The following TRIM55 variants were observed in gnomAD, a reference collection of about 807,000 sequenced individuals.
TRIM55 encodes tripartite motif-containing protein 55.
Under a neutral mutation model 60.9 loss-of-function variants are expected in TRIM55, and 50 were observed. The ratio of observed to expected loss-of-function variants is 0.82; its 90% CI spans 0.65 to 1.04. The LOEUF (loss-of-function observed/expected upper bound fraction) is 1.04. Among genes scored for constraint, TRIM55 ranks in the 50% least tolerant of loss-of-function variants. The pLI, the probability that TRIM55 is intolerant of heterozygous loss-of-function variation, is 0.00. For synonymous variants in TRIM55, 237 were observed against 238.1 expected (o/e 1.00, Z 0.04); for missense variants, 681 against 666.9 (o/e 1.02, Z -0.23).
intron 7 of TRIM55, among the ~76,000 whole-genome samples, chr8:66,150,992 G>A (rs1048591400): frequency 6.6e-6 from 1 of 152,128 alleles, no homozygotes. Flanking sequence ...GTCAGGTTGG[G>A]TATTTGACTC....
chr8:66,127,793 C>A (rs896473983), intron 1 of TRIM55, among the ~76,000 whole-genome samples: 1 of 152,162 alleles, frequency 6.6e-6, no homozygotes, highest in Admixed American at 6.5e-5. Context: ...GGAGATCGTG[C>A]CATTGCCCTC....
intron 7 of TRIM55, among the ~76,000 whole-genome samples, chr8:66,151,943 C>T (rs1586218846): frequency 6.6e-6 from 1 of 152,100 alleles, no homozygotes; most frequent in African/African-American, 2.4e-5. Context: ...CACTGAACAA[C>T]AGAGGTAGAA....
chr8:66,129,807 A>G (rs1809036859), intron 2 of TRIM55, among the ~76,000 whole-genome samples: 1 of 152,256 alleles, frequency 6.6e-6, no homozygotes, highest in African/African-American at 2.4e-5. Flanking sequence ...CATGGCCAAA[A>G]CAGCAATTAC....
At chr8:66,120,309 G>C in the TRIM55 span, among the ~76,000 whole-genome samples, 3 of 152,182 alleles carry the variant, frequency 2.0e-5, no homozygotes, top group Non-Finnish European at 4.4e-5. Context: ...CCAAGTCCCT[G>C]AGTGGGAGCC....
chr8:66,150,009 G>T, intron 5 of TRIM55, 131 bp downstream of exon 5: 2 of 898,662 alleles, frequency 2.2e-6, no homozygotes, highest in East Asian at 5.3e-5. Context: ...AACCCCATGT[G>T]CTTATATATT....
the TRIM55 span, among the ~76,000 whole-genome samples, chr8:66,114,161 G>C: frequency 2.7e-5 from 4 of 147,756 alleles, no homozygotes; most frequent in Admixed American, 1.4e-4. Context: ...TTCTCTAAAG[G>C]AACAGATAAT....
intron 4 of TRIM55, among the ~76,000 whole-genome samples, chr8:66,148,436 C>G (rs1248223299): frequency 6.6e-6 from 1 of 152,106 alleles, no homozygotes; most frequent in Non-Finnish European, 1.5e-5. Flanking sequence ...TCAATGGTAA[C>G]TATTATGAGA....
chr8:66,145,299 T>G (rs1810039510), intron 4 of TRIM55, among the ~76,000 whole-genome samples: 1 of 152,210 alleles, frequency 6.6e-6, no homozygotes, highest in African/African-American at 2.4e-5. Flanking sequence ...AGTCTGTAAG[T>G]TCCAATTTCG....
upstream of TRIM55, among the ~76,000 whole-genome samples, chr8:66,123,572 GAGAA>G (rs1808711565): frequency 1.3e-5 from 2 of 152,216 alleles, no homozygotes; most frequent in East Asian, 1.9e-4. Flanking sequence ...AAAAAAGAGA[GAGAA>G]AGGAAGATAG....
intron 4 of TRIM55, among the ~76,000 whole-genome samples, chr8:66,144,249 A>C (rs1371323982): frequency 2.6e-5 from 4 of 152,228 alleles, no homozygotes; most frequent in Non-Finnish European, 4.4e-5. Flanking sequence ...ATTGGTTAGA[A>C]ACAAATATCC....
chr8:66,123,937 A>G (rs1477383826), upstream of TRIM55, among the ~76,000 whole-genome samples: 1 of 151,970 alleles, frequency 6.6e-6, no homozygotes, highest in Non-Finnish European at 1.5e-5. Context: ...CCACTCACTT[A>G]TAGAGGGCAG....
intron 2 of TRIM55, among the ~76,000 whole-genome samples, chr8:66,132,350 G>T (rs1253928675): frequency 6.6e-6 from 1 of 152,240 alleles, no homozygotes; most frequent in Non-Finnish European, 1.5e-5. Context: ...CAACTTGGGA[G>T]ACTGAGGCAA....
the TRIM55 span, among the ~76,000 whole-genome samples, chr8:66,121,603 C>T: frequency 6.6e-6 from 1 of 152,232 alleles, no homozygotes; most frequent in African/African-American, 2.4e-5. Context: ...GAGTCTCAGC[C>T]AATCCCAGGT....
intron 9 of TRIM55, among the ~76,000 whole-genome samples, chr8:66,154,668 C>T (rs1023667898): frequency 2.2e-4 from 34 of 152,246 alleles, no homozygotes; most frequent in African/African-American, 7.2e-4. Context: ...GTCCTCCTTA[C>T]CAACGGCCAC....
chr8:66,174,448 A>T, intron 9 of TRIM55, 23 bp from the exon 10 acceptor site: 1 of 1,606,044 alleles, frequency 6.2e-7, no homozygotes, highest in South Asian at 1.1e-5. Flanking sequence ...TTTTTCTCTG[A>T]TTCCCATTTT....
At chr8:66,114,234 G>C in the TRIM55 span, among the ~76,000 whole-genome samples, 1 of 152,154 alleles carries the variant, frequency 6.6e-6, no homozygotes, top group Non-Finnish European at 1.5e-5. Flanking sequence ...CATGCGAGAG[G>C]TAGCGGGATC....
chr8:66,135,113 C>G lies in TRIM55; in HGVS notation c.465C>G (p.Asp155Glu), dbSNP rs142699230. 23 of 1,614,234 alleles carry G rather than the reference C, an allele frequency of 1.4e-5. No individual in the cohort carries two copies. In the African/African-American group the frequency reaches 3.1e-4, roughly 22 times the overall value. ...SLCKVFGAHK[D>E]CQVAPLTHVF... ...GCAAGGTGTTTGGTGCACACAAAGA[C>G]TGCCAGGTGGCTCCCCTCACTCATG... The change falls in exon 3 of 10, where the codon GAC becomes GAG. Residue 155 changes from aspartate (D) to glutamate (E), a missense_variant. Coordinates refer to ENST00000315962, the MANE Select transcript of TRIM55 (RefSeq NM_184085.2).
chr8:66,167,941 G>T (rs1472487717), intron 9 of TRIM55, among the ~76,000 whole-genome samples: 1 of 151,952 alleles, frequency 6.6e-6, no homozygotes, highest in Non-Finnish European at 1.5e-5. Context: ...GTAGGGGTGG[G>T]GTCATGCCAT....
chr8:66,156,642 G>A (rs1378328005), intron 9 of TRIM55, among the ~76,000 whole-genome samples: 3 of 152,152 alleles, frequency 2.0e-5, no homozygotes, highest in African/African-American at 7.2e-5. Flanking sequence ...CTCAAAGGCA[G>A]TTCAGGGTCA....
Sources: allele counts gnomAD v4.1 joint callset (sites outside exome capture counted in the v4.1 genomes callset), GRCh38; gene constraint gnomAD v4.1.1; transcripts MANE v1.5; gene names NCBI Gene and HGNC (gene_info 2026-07-23, HGNC 2026-07-21).